The following NOA1 variants were observed in gnomAD, a reference collection of about 807,000 sequenced individuals.
The protein encoded by NOA1 is nitric oxide-associated protein 1.
In NOA1, 35 loss-of-function variants were observed where a neutral mutation model predicts 58.4. The observed-to-expected ratio is 0.60, with a 90% CI of 0.46 to 0.79. The LOEUF (loss-of-function observed/expected upper bound fraction) is 0.79, where lower values mean the gene tolerates loss of function less well. Among genes scored for constraint, NOA1 ranks in the 30% least tolerant of loss-of-function variants. The pLI, the probability that NOA1 is intolerant of heterozygous loss-of-function variation, is 0.00. For synonymous variants in NOA1, 397 were observed against 373.4 expected, an observed-to-expected ratio of 1.06 and a Z score of -0.73; for missense variants, 895 against 894.6, an observed-to-expected ratio of 1.00 and a Z score of -0.01.
At chr4:56,969,110 CTA>C (rs1721767280) in intron 3 of NOA1, among the ~76,000 whole-genome samples, 1 of 152,086 alleles carries the variant, frequency 6.6e-6, no homozygotes, top group African/African-American at 2.4e-5. Context: ...TAATTTATCC[CTA>C]TGATTTATAA....
intron 3 of NOA1, among the ~76,000 whole-genome samples, chr4:56,969,652 CA>C (rs1412099536): frequency 6.6e-6 from 1 of 152,120 alleles, no homozygotes; most frequent in African/African-American, 2.4e-5. Context: ...AAGGGGGCTG[CA>C]GATAGTTTTC....
chr4:56,975,865 G>C (rs1393879114), intron 1 of NOA1, among the ~76,000 whole-genome samples: 1 of 151,698 alleles, frequency 6.6e-6, no homozygotes, highest in Non-Finnish European at 1.5e-5. Context: ...ACAAGACTCC[G>C]TCTCAAAAAA....
At chr4:56,971,362 G>A (rs559949015) in intron 3 of NOA1, among the ~76,000 whole-genome samples, 1 of 144,740 alleles carries the variant, frequency 6.9e-6, no homozygotes, top group East Asian at 2.0e-4. Context: ...GGAAGAATTA[G>A]TTCATTAAGC....
intron 2 of NOA1, 126 bp from the exon 3 acceptor site, chr4:56,973,479 C>T: frequency 2.5e-6 from 2 of 806,700 alleles, no homozygotes; most frequent in African/African-American, 1.8e-5. Flanking sequence ...CATAATGATA[C>T]TTTTGCTTTT....
intron 3 of NOA1, among the ~76,000 whole-genome samples, chr4:56,972,019 G>A (rs1721819846): frequency 6.6e-6 from 1 of 151,978 alleles, no homozygotes; most frequent in African/African-American, 2.4e-5. Flanking sequence ...CTCCCGAGTA[G>A]CTGGGACTAC....
chr4:56,966,081 C>T (rs958495661), intron 5 of NOA1, among the ~76,000 whole-genome samples: 3 of 140,782 alleles, frequency 2.1e-5, no homozygotes, highest in Non-Finnish European at 1.5e-5. Flanking sequence ...TGCAGTAGCG[C>T]AGTAGCGCGA....
chr4:56,964,376 C>CT, intron 6 of NOA1, 30 bp downstream of exon 6: 1 of 1,613,298 alleles, frequency 6.2e-7, no homozygotes. Flanking sequence ...CTTTTATTCA[C>CT]TTTTTAAAAA....
intron 6 of NOA1, among the ~76,000 whole-genome samples, chr4:56,964,193 G>C (rs980220050): frequency 2.6e-5 from 4 of 151,660 alleles, no homozygotes; most frequent in Non-Finnish European, 5.9e-5. Flanking sequence ...TCAGCCTCCC[G>C]AGTAGCTGGA....
rs1721946814 is a variant in NOA1 at position 56,977,004 on chromosome 4, C to T, written c.582G>A (p.Leu194=). The change falls in exon 1 of 7, where the codon CTG becomes CTA. Residue 194 remains leucine (L), a synonymous_variant. Coordinates refer to ENST00000264230, the MANE Select transcript of NOA1 (RefSeq NM_032313.4). ...LLSHHRRALR[L]QVSREQYLEL... ...CCAGGTACTGCTCGCGGCTCACCTGCAGGCGTAGAGCGCGCCGGTGGTGCG... is the reference window on the plus strand; with the variant it reads ...CCAGGTACTGCTCGCGGCTCACCTGTAGGCGTAGAGCGCGCCGGTGGTGCG... 1 of 1,593,714 alleles carries T rather than the reference C, an allele frequency of 6.3e-7. No individual in the cohort carries two copies. Among genetic ancestry groups the T allele is most frequent in the Non-Finnish European group, 8.5e-7 (1 of 1,174,766 alleles).
In NOA1 at chr4:56,968,480, A is replaced by G. The variant is rs547377599; in HGVS notation, c.1551T>C (p.Ile517=). The G allele has an allele frequency of 1.2e-6, 2 of 1,605,862 alleles. No individual in the cohort carries two copies. Among genetic ancestry groups the G allele is most frequent in the African/African-American group, 1.3e-5 (1 of 74,696 alleles). ...LNLLTEKEVN[I]VLPTQSIVPR... ...GAACAATGGACTGTGTTGGCAAAACAATATTTACTTCTTTTTCTGTTAGAA... is the reference window on the plus strand; with the variant it reads ...GAACAATGGACTGTGTTGGCAAAACGATATTTACTTCTTTTTCTGTTAGAA... Residue 517 remains isoleucine (I), a synonymous_variant, in exon 4 of 7, where the codon ATT becomes ATC. Coordinates refer to ENST00000264230, the MANE Select transcript of NOA1 (RefSeq NM_032313.4).
chr4:56,967,612 C>T, intron 4 of NOA1, among the ~76,000 whole-genome samples: 1 of 152,068 alleles, frequency 6.6e-6, no homozygotes, highest in East Asian at 1.9e-4. Context: ...TTCACTTTAG[C>T]AAAATGGAGA....
At position 56,977,565 on chromosome 4, in the gene NOA1, C is replaced by G. The variant is rs370391172; in HGVS notation, c.21G>C (p.Pro7=). The part of the protein sequence containing the change: MLPARL[P]FRLLSLFLRG... ...GAAGGAAAAGGCTCAGCAGCCTGAA[C>G]GGTAGGCGAGCGGGCAGCATGAGGA... The change falls in exon 1 of 7, where the codon CCG becomes CCC. Residue 7 remains proline, a synonymous_variant. Transcript: ENST00000264230. 9 of 1,598,704 alleles carry G rather than the reference C, an allele frequency of 5.6e-6. No individual in the cohort carries two copies. Among genetic ancestry groups the G allele is most frequent in the Non-Finnish European group, 7.7e-6 (9 of 1,171,854 alleles).
chr4:56,964,498 GC>G lies in NOA1; in HGVS notation c.1792del (p.Ala598GlnfsTer13), dbSNP rs777515408. ...QIPMGGKERM[A>X]GFPPLVAEDI... ...TTCAGCAACAAGAGGAGGAAATCCT[GC>G]CATTCGTTCTTTTCCACCCATTGGA... On this transcript the variant is annotated frameshift_variant, in exon 6 of 7. Transcript: ENST00000264230. LOFTEE classifies it high-confidence loss of function. The G allele has an allele frequency of 4.6e-5, 75 of 1,613,850 alleles. No homozygotes were observed. Among genetic ancestry groups the G allele is most frequent in the Non-Finnish European group, 6.2e-5 (73 of 1,179,914 alleles).
chr4:56,966,980 T>C (rs1721723430), intron 4 of NOA1, among the ~76,000 whole-genome samples: 1 of 152,264 alleles, frequency 6.6e-6, no homozygotes, highest in Non-Finnish European at 1.5e-5. Flanking sequence ...AATACTATTT[T>C]TGAAAAAAGT....
chr4:56,970,238 GT>G (rs916076838), intron 3 of NOA1, among the ~76,000 whole-genome samples: 1 of 151,928 alleles, frequency 6.6e-6, no homozygotes, highest in African/African-American at 2.4e-5. Context: ...AGAAGTTACA[GT>G]GGGCCAAGAT....
chr4:56,966,596 T>C (rs762666663), intron 5 of NOA1, 24 bp downstream of exon 5: 4 of 1,377,308 alleles, frequency 2.9e-6, no homozygotes, highest in Non-Finnish European at 4.1e-6. Flanking sequence ...ACCATAACCA[T>C]GCAATCAAGG....
At chr4:56,972,767 C>G (rs564573933) in intron 3 of NOA1, among the ~76,000 whole-genome samples, 1 of 152,130 alleles carries the variant, frequency 6.6e-6, no homozygotes, top group Non-Finnish European at 1.5e-5. Flanking sequence ...ACCAAGGTAA[C>G]AATCACAATG....
intron 2 of NOA1, 48 bp from the exon 3 acceptor site, chr4:56,973,401 A>T: frequency 7.1e-7 from 1 of 1,418,228 alleles, no homozygotes; most frequent in African/African-American, 1.4e-5. Context: ...TAATACTTTT[A>T]ACTCCAGACA....
chr4:56,968,901 A>G (rs1721763595), intron 3 of NOA1, among the ~76,000 whole-genome samples: 1 of 152,212 alleles, frequency 6.6e-6, no homozygotes, highest in Non-Finnish European at 1.5e-5. Flanking sequence ...GCTTAAAGTA[A>G]TGGTATACGT....
Sources: gnomAD v4.1 joint callset for allele counts (sites outside exome capture counted in the v4.1 genomes callset) on GRCh38, gnomAD v4.1.1 for gene constraint, MANE v1.5 for transcripts, NCBI Gene and HGNC (gene_info 2026-07-23, HGNC 2026-07-21) for gene names.